CDKL5: variants seen among roughly 807,000 people sequenced by gnomAD.
CDKL5 encodes the protein cyclin dependent kinase like 5, also known as cyclin-dependent kinase-like 5.
In CDKL5, 8 loss-of-function variants were observed where a neutral mutation model predicts 61.7. The observed-to-expected ratio is 0.13, with a 90% CI of 0.08 to 0.23. The LOEUF is 0.23. Among genes scored for constraint, CDKL5 ranks in the 10% least tolerant of loss-of-function variants. CDKL5 has a pLI of 1.00. For synonymous variants in CDKL5, 275 were observed against 272.3 expected (o/e 1.01, Z -0.10); for missense variants, 440 against 734.5 (o/e 0.60, Z 4.63).
intron 3 of CDKL5, among the ~76,000 whole-genome samples, chrX:18,527,183 A>G (rs1316435901): frequency 9.0e-6 from 1 of 111,470 alleles, no homozygotes; most frequent in Non-Finnish European, 1.9e-5. Context: ...TATTCATGAG[A>G]GGTATTGGTC....
chrX:18,634,841 A>C lies in CDKL5; in HGVS notation c.*6084A>C. 1 of 750,927 alleles carries C rather than the reference A, an allele frequency of 1.3e-6. No homozygotes were observed. Among genetic ancestry groups the C allele is most frequent in the Non-Finnish European group, 1.6e-6 (1 of 637,301 alleles). 61.9% of individuals were successfully genotyped at this position (750,927 alleles called of 1,213,427 possible). A position where few individuals can be genotyped will look rare whatever the true frequency, so the allele number is the denominator to read the frequency against. On this transcript the variant is annotated 3_prime_UTR_variant, in exon 18 of 18. Coordinates refer to ENST00000623535, the MANE Select transcript of CDKL5 (RefSeq NM_001323289.2). The stretch of plus-strand genomic sequence containing the variant: ...TTATTCTGTATATACTTAGCTAACT[A>C]TTCAGAGCTTCTTCAATCTCTAGTA...
intron 14 of CDKL5, among the ~76,000 whole-genome samples, chrX:18,611,655 C>T (rs1269586131): frequency 1.8e-5 from 2 of 110,579 alleles, no homozygotes; most frequent in Admixed American, 1.9e-4. Flanking sequence ...TCTTTGACCT[C>T]TGGAAACACG....
chrX:18,552,287 A>G (rs1203482023), intron 3 of CDKL5, among the ~76,000 whole-genome samples: 1 of 110,757 alleles, frequency 9.0e-6, no homozygotes, highest in Non-Finnish European at 1.9e-5. Context: ...CCCAAAATGT[A>G]TATATTTGCA....
chrX:18,452,045 G>T (rs905495448), intron 1 of CDKL5, among the ~76,000 whole-genome samples: 2 of 111,916 alleles, frequency 1.8e-5, no homozygotes, highest in African/African-American at 6.5e-5. Context: ...TGTAACAACT[G>T]CAAAGGGCTT....
chrX:18,440,680 T>G (rs1352098476), intron 1 of CDKL5, among the ~76,000 whole-genome samples: 1 of 111,672 alleles, frequency 9.0e-6, no homozygotes, highest in African/African-American at 3.3e-5. Context: ...ACTGTGTTGG[T>G]CAGGCTGGTC....
At chrX:18,600,891 A>C (rs1373903938) in intron 11 of CDKL5, among the ~76,000 whole-genome samples, 2 of 111,821 alleles carry the variant, frequency 1.8e-5, no homozygotes, top group Non-Finnish European at 3.8e-5. Context: ...GTCTTACATG[A>C]TTTTTCTAGG....
chrX:18,489,301 C>T (rs1921904542), intron 1 of CDKL5, among the ~76,000 whole-genome samples: 1 of 110,879 alleles, frequency 9.0e-6, no homozygotes, highest in African/African-American at 3.3e-5. Context: ...GCTGGGATTA[C>T]AGGCATGCGC....
At chrX:18,609,372 C>T in intron 13 of CDKL5, 93 bp from the exon 14 acceptor site, 3 of 1,192,943 alleles carry the variant, frequency 2.5e-6, no homozygotes, top group Admixed American at 2.2e-5. Flanking sequence ...ACAGCCTGGG[C>T]AATAGAGTGA....
At chrX:18,621,303 G>A (rs182732607) in intron 16 of CDKL5, among the ~76,000 whole-genome samples, 1 of 112,014 alleles carries the variant, frequency 8.9e-6, no homozygotes, top group East Asian at 2.8e-4. Context: ...TCTCACAGAT[G>A]TTCTAGAAAT....
At chrX:18,471,803 G>A (rs1266532954) in intron 1 of CDKL5, among the ~76,000 whole-genome samples, 1 of 111,485 alleles carries the variant, frequency 9.0e-6, no homozygotes, top group Non-Finnish European at 1.9e-5. Context: ...GCAGTGGCAT[G>A]ACCTCAGCTC....
At position 18,636,336 on chromosome X, in the gene CDKL5, T is replaced by TTTACTA. The variant is rs1555956238; in HGVS notation, c.*7582_*7583insCTATTA. ...CAGGCACAATGCCCAAGTGTTTTGC[T>TTTACTA]TTATTATTATTATTATTATTATTAT... On this transcript the variant is annotated 3_prime_UTR_variant, in exon 18 of 18. Coordinates refer to ENST00000623535, the MANE Select transcript of CDKL5 (RefSeq NM_001323289.2). 1 of 94,021 alleles carries TTTACTA rather than the reference T, an allele frequency of 1.1e-5. No individual in the cohort carries two copies. Among genetic ancestry groups the TTTACTA allele is most frequent in the Non-Finnish European group, 2.1e-5 (1 of 47,761 alleles). The allele number at this position is 94,021 out of a possible 1,213,427, so 7.7% of individuals were successfully genotyped here.
chrX:18,627,794 CA>C (rs60267091), intron 17 of CDKL5: 4,036 of 39,058 alleles, frequency 0.1, 163 homozygotes, highest in East Asian at 0.27. Flanking sequence ...AAAAAAAAAG[CA>C]AAAAAAAAAA....
intron 20 of CDKL5, chrX:18,647,503 C>G (rs1927835099): frequency 1.0e-5 from 5 of 486,726 alleles, no homozygotes; most frequent in Non-Finnish European, 1.1e-5. Context: ...GTTCACTACT[C>G]ACGCAAGAAA....
In CDKL5 at chrX:18,633,738, G is replaced by T. The variant is rs1181684540; in HGVS notation, c.*4981G>T. On this transcript the variant is annotated 3_prime_UTR_variant, in exon 18 of 18. Coordinates refer to ENST00000623535, the MANE Select transcript of CDKL5 (RefSeq NM_001323289.2). ...GTGAATTGAATGTACGATACAAATGGTAGGCCTTCATGTGAGCCAGTTACT... is the reference window on the plus strand; with the variant it reads ...GTGAATTGAATGTACGATACAAATGTTAGGCCTTCATGTGAGCCAGTTACT... The T allele has an allele frequency of 1.3e-6, 1 of 751,444 alleles. No individual in the cohort carries two copies. Among genetic ancestry groups the T allele is most frequent in the Non-Finnish European group, 1.6e-6 (1 of 638,612 alleles). 61.9% of individuals were successfully genotyped at this position (751,444 alleles called of 1,213,427 possible). A position where few individuals can be genotyped will look rare whatever the true frequency, so the allele number is the denominator to read the frequency against.
In CDKL5 at chrX:18,630,724, G is replaced by T. The variant is rs1602301935; in HGVS notation, c.*1967G>T. 3.4e-5 allele frequency: 25 copies of T among 746,111 alleles called. 1 individual carries two copies. The South Asian group carries it at 1.7e-3, about 50-fold the overall frequency. The allele number at this position is 746,111 out of a possible 1,213,427, so 61.5% of individuals were successfully genotyped here. On this transcript the variant is annotated 3_prime_UTR_variant, in exon 18 of 18. Coordinates refer to ENST00000623535, the MANE Select transcript of CDKL5 (RefSeq NM_001323289.2). ...ATAGGCACTAAAATGAAACTCGACT[G>T]GGTACTATTACTGAAAAAATTTGAC...
intron 1 of CDKL5, among the ~76,000 whole-genome samples, chrX:18,429,737 T>C (rs774335950): frequency 3.2e-4 from 36 of 112,015 alleles, no homozygotes; most frequent in African/African-American, 1.0e-3. Flanking sequence ...GCAGACTCAG[T>C]GGATCCTCCC....
chrX:18,564,547 A>C, intron 4 of CDKL5, 25 bp downstream of exon 4: 2 of 558,874 alleles, frequency 3.6e-6, no homozygotes, highest in South Asian at 6.1e-5. Flanking sequence ...ATATATATAT[A>C]TATCTGTATA....
intron 1 of CDKL5, among the ~76,000 whole-genome samples, chrX:18,437,842 T>C (rs1028525653): frequency 1.8e-5 from 2 of 112,223 alleles, no homozygotes; most frequent in Admixed American, 9.5e-5. Flanking sequence ...AGGAAATCTT[T>C]GCCATACTAA....
intron 15 of CDKL5, among the ~76,000 whole-genome samples, chrX:18,619,233 G>A (rs1266645345): frequency 9.6e-6 from 1 of 103,870 alleles, no homozygotes; most frequent in Admixed American, 1.1e-4. Context: ...GACCTCAAGC[G>A]ATCCTGTCCC....
Sources: gnomAD v4.1 joint callset for allele counts (sites outside exome capture counted in the v4.1 genomes callset) on GRCh38, gnomAD v4.1.1 for gene constraint, MANE v1.5 for transcripts, NCBI Gene and HGNC (gene_info 2026-07-23, HGNC 2026-07-21) for gene names.